The following IPCEF1 variants were observed in gnomAD, a reference collection of about 807,000 sequenced individuals.
IPCEF1 encodes the protein interaction protein for cytohesin exchange factors 1.
IPCEF1 carries 31 observed loss-of-function variants against 50.9 expected under a neutral mutation model. The ratio of observed to expected loss-of-function variants is 0.61; its 90% CI spans 0.46 to 0.82. The LOEUF (loss-of-function observed/expected upper bound fraction) is 0.82. Ranked by LOEUF, IPCEF1 falls within the 40% of genes least tolerant of loss-of-function variation. The pLI is 0.00. For missense variants in IPCEF1, 458 were observed against 514.0 expected (o/e 0.89, Z 1.05); for synonymous variants, 181 against 192.0 (o/e 0.94, Z 0.47).
intron 10 of IPCEF1, among the ~76,000 whole-genome samples, chr6:154,194,445 G>A (rs1425520625): frequency 6.6e-6 from 1 of 152,028 alleles, no homozygotes; most frequent in Non-Finnish European, 1.5e-5. Context: ...TTTCTGAGTG[G>A]AAGATTCCTC....
chr6:154,333,053 C>T (rs997610383), intron 1 of IPCEF1, among the ~76,000 whole-genome samples: 6 of 152,172 alleles, frequency 3.9e-5, no homozygotes, highest in African/African-American at 1.4e-4. Flanking sequence ...CCTTGTCTCT[C>T]ATCTTAGGCT....
intron 1 of IPCEF1, among the ~76,000 whole-genome samples, chr6:154,341,744 A>G (rs1783922831): frequency 6.6e-6 from 1 of 152,252 alleles, no homozygotes; most frequent in Non-Finnish European, 1.5e-5. Context: ...GAAATTACAC[A>G]AACACTAAAG....
rs115213198 is a variant in IPCEF1 at position 154,196,397 on chromosome 6, C to A, written c.910+3271G>T. ...CATCATGCATGCTCTAGAATGCCTG[C>A]CTCTTCTTTAACAATGTTTTATTTT... On this transcript the variant is annotated intron_variant, in intron 10 of 11. Transcript: ENST00000367220. Among the ~76,000 whole-genome samples the A allele has an allele frequency of 3.1e-3, 478 of 152,194 alleles. 3 individuals carry two copies. Among genetic ancestry groups the A allele is most frequent in the African/African-American group, 0.011 (457 of 41,514 alleles).
At chr6:154,274,210 TC>T (rs200813709) in intron 2 of IPCEF1, among the ~76,000 whole-genome samples, 3,964 of 152,300 alleles carry the variant, frequency 0.026, 178 homozygotes, top group African/African-American at 0.091. Context: ...CTGCCTTCTC[TC>T]CACTTTGATG....
intron 1 of IPCEF1, among the ~76,000 whole-genome samples, chr6:154,291,343 A>G (rs1240689511): frequency 6.6e-6 from 1 of 152,230 alleles, no homozygotes; most frequent in Admixed American, 6.5e-5. Context: ...TGCAAAGGAC[A>G]TATTTCAAGA....
intron 10 of IPCEF1, among the ~76,000 whole-genome samples, chr6:154,180,415 T>TATATATATATATATATATA (rs1491475267): frequency 4.4e-4 from 13 of 29,346 alleles, no homozygotes; most frequent in African/African-American, 1.6e-3. Flanking sequence ...TATATATATA[T>TATATATATATATATATATA]TTTTTTTTTA....
chr6:154,218,144 G>A (rs761359991), intron 7 of IPCEF1, among the ~76,000 whole-genome samples: 1 of 152,166 alleles, frequency 6.6e-6, no homozygotes, highest in Non-Finnish European at 1.5e-5. Context: ...GTAGATGGAT[G>A]CACTAAAGGA....
intron 1 of IPCEF1, among the ~76,000 whole-genome samples, chr6:154,325,337 G>A (rs1783493139): frequency 6.6e-6 from 1 of 152,116 alleles, no homozygotes; most frequent in African/African-American, 2.4e-5. Flanking sequence ...ATCTGTATAT[G>A]TACTTAAATA....
intron 1 of IPCEF1, among the ~76,000 whole-genome samples, chr6:154,294,137 TC>T (rs1256331007): frequency 3.3e-5 from 5 of 152,216 alleles, no homozygotes; most frequent in Non-Finnish European, 7.3e-5. Context: ...CTCACAATCC[TC>T]TTAAAGCAAA....
chr6:154,157,352 A>T lies in IPCEF1; in HGVS notation c.*2476T>A, dbSNP rs1043303906. 6.6e-6 allele frequency: 1 copy of T among 152,294 alleles called. No individual in the cohort carries two copies. Among genetic ancestry groups the T allele is most frequent in the Admixed American group, 6.5e-5 (1 of 15,282 alleles). 9.4% of individuals were successfully genotyped at this position (152,294 alleles called of 1,614,324 possible). A position where few individuals can be genotyped will look rare whatever the true frequency, so the allele number is the denominator to read the frequency against. ...TACAGGGGGAAAAACACGAATGAGCAGGCAATGGGGCTCCAGAAAGCCAGG... is the reference window on the plus strand; with the variant it reads ...TACAGGGGGAAAAACACGAATGAGCTGGCAATGGGGCTCCAGAAAGCCAGG... On this transcript the variant is annotated 3_prime_UTR_variant, in exon 12 of 12. Transcript: ENST00000367220.
intron 1 of IPCEF1, among the ~76,000 whole-genome samples, chr6:154,302,593 G>GC (rs963137416): frequency 6.6e-6 from 1 of 152,048 alleles, no homozygotes; most frequent in Non-Finnish European, 1.5e-5. Context: ...TCTCACCTCA[G>GC]CCCCCCGAGT....
intron 1 of IPCEF1, among the ~76,000 whole-genome samples, chr6:154,297,115 A>G (rs1376415123): frequency 1.3e-5 from 2 of 151,702 alleles, no homozygotes; most frequent in African/African-American, 2.4e-5. Context: ...ATGGCTCGCT[A>G]CAGTTGCAAC....
chr6:154,196,017 C>T (rs544192557), intron 10 of IPCEF1, among the ~76,000 whole-genome samples: 1 of 152,088 alleles, frequency 6.6e-6, no homozygotes, highest in South Asian at 2.1e-4. Context: ...GTCTCGAACT[C>T]CTGACCTCGT....
chr6:154,311,160 T>C (rs1056737446), intron 1 of IPCEF1, among the ~76,000 whole-genome samples: 22 of 152,176 alleles, frequency 1.4e-4, no homozygotes, highest in African/African-American at 5.1e-4. Flanking sequence ...AATAAATTAA[T>C]AAAAAATAAG....
At chr6:154,229,976 A>G (rs2128625277) in intron 5 of IPCEF1, among the ~76,000 whole-genome samples, 1 of 152,308 alleles carries the variant, frequency 6.6e-6, no homozygotes, top group African/African-American at 2.4e-5. Context: ...ATCAGTTATG[A>G]CTGTGTGATT....
chr6:154,290,480 C>G (rs1199194488), intron 1 of IPCEF1, among the ~76,000 whole-genome samples: 2 of 152,132 alleles, frequency 1.3e-5, no homozygotes, highest in Non-Finnish European at 2.9e-5. Flanking sequence ...TTTGTTCTTG[C>G]TCTAAAACTT....
intron 1 of IPCEF1, among the ~76,000 whole-genome samples, chr6:154,353,289 TTTCC>T (rs1368520812): frequency 3.7e-4 from 56 of 149,932 alleles, no homozygotes; most frequent in African/African-American, 1.3e-3. Context: ...TTCTTTTCCT[TTTCC>T]TTTTTTTTTT....
At chr6:154,173,632 A>G (rs1800055699) in intron 10 of IPCEF1, among the ~76,000 whole-genome samples, 1 of 152,348 alleles carries the variant, frequency 6.6e-6, no homozygotes, top group African/African-American at 2.4e-5. Flanking sequence ...AAAAAGAATG[A>G]AAAGAAACGA....
At chr6:154,236,096 T>C (rs961895321) in intron 5 of IPCEF1, among the ~76,000 whole-genome samples, 1 of 152,204 alleles carries the variant, frequency 6.6e-6, no homozygotes, top group African/African-American at 2.4e-5. Flanking sequence ...TCATCTCTAT[T>C]GTGAATATTG....
Sources: gnomAD v4.1 joint callset for allele counts (sites outside exome capture counted in the v4.1 genomes callset) on GRCh38, gnomAD v4.1.1 for gene constraint, MANE v1.5 for transcripts, NCBI Gene and HGNC (gene_info 2026-07-23, HGNC 2026-07-21) for gene names.